The following ARID4B variants were observed in gnomAD, a reference collection of about 807,000 sequenced individuals.
The protein encoded by ARID4B is AT-rich interaction domain 4B, also known as AT-rich interactive domain-containing protein 4B.
ARID4B carries 26 observed loss-of-function variants against 147.5 expected under a neutral mutation model. The observed-to-expected ratio is 0.18, with a 90% confidence interval of 0.13 to 0.24. The LOEUF (loss-of-function observed/expected upper bound fraction) is 0.24. Among genes scored for constraint, ARID4B ranks in the 10% least tolerant of loss-of-function variants. ARID4B has a pLI of 1.00. For missense variants in ARID4B, 1,179 were observed against 1,511.5 expected (o/e 0.78, Z 3.65); for synonymous variants, 512 against 507.9 (o/e 1.01, Z -0.11).
chr1:235,182,578 T>C lies in ARID4B; in HGVS notation c.2341A>G (p.Arg781Gly). The C allele has an allele frequency of 1.2e-6, 2 of 1,612,420 alleles. No homozygotes were observed. Among genetic ancestry groups the C allele is most frequent in the Non-Finnish European group, 1.7e-6 (2 of 1,179,654 alleles). Reference protein sequence around the residue: ...ISKPVSKSPERLRKDIEVLSE... With the variant: ...ISKPVSKSPEGLRKDIEVLSE... ...AATACTTCTATATCTTTCCTTAATC[T>C]TTCTGGAGATTTTGACACTGGTTTG... The change falls in exon 20 of 24, where the codon AGA becomes GGA. Residue 781 changes from arginine (R) to glycine (G), a missense_variant. Around this residue, in one of 10 missense-constraint regions of ARID4B, gnomAD observed 321 missense variants for 342.4 expected, o/e 0.94. Transcript: ENST00000264183.
At chr1:235,258,352 C>CA (rs1401544189) in intron 3 of ARID4B, among the ~76,000 whole-genome samples, 2 of 151,934 alleles carry the variant, frequency 1.3e-5, no homozygotes, top group African/African-American at 4.8e-5. Flanking sequence ...CAAAACAAAA[C>CA]AAAAAACAGA....
At position 235,317,395 on chromosome 1, in the gene ARID4B, G is replaced by C. The variant is rs545413239; in HGVS notation, c.6+9519C>G. On this transcript the variant is annotated intron_variant, in intron 2 of 23. Transcript: ENST00000264183. ...CTTGGACTTTCTGAGTAATATATGA[G>C]CAAGCGTTAATTAAGGAAAGGGGAA... Among the ~76,000 whole-genome samples the C allele has an allele frequency of 5.3e-5, 8 of 152,262 alleles. No individual in the cohort carries two copies. The East Asian group carries it at 1.4e-3, about 26-fold the overall frequency.
At chr1:235,303,049 G>A (rs181325437) in intron 2 of ARID4B, among the ~76,000 whole-genome samples, 1 of 151,826 alleles carries the variant, frequency 6.6e-6, no homozygotes, top group Non-Finnish European at 1.5e-5. Context: ...TCAGCCTCTC[G>A]ACTAGCTGGG....
intron 2 of ARID4B, among the ~76,000 whole-genome samples, chr1:235,298,646 T>C (rs1672921062): frequency 6.6e-6 from 1 of 151,416 alleles, no homozygotes; most frequent in Admixed American, 6.6e-5. Context: ...AAAGTCACTG[T>C]GCCTATCCAC....
intron 1 of ARID4B, chr1:235,327,493 GACA>G: frequency 6.6e-6 from 1 of 152,256 alleles, no homozygotes; most frequent in Non-Finnish European, 1.5e-5. Context: ...CCGCCGCGGG[GACA>G]ACGTGAGGGC....
intron 11 of ARID4B, among the ~76,000 whole-genome samples, chr1:235,226,335 T>C (rs886824593): frequency 2.6e-5 from 4 of 152,070 alleles, no homozygotes; most frequent in Non-Finnish European, 4.4e-5. Context: ...CAAAAATATG[T>C]ATAAGGAGCA....
At chr1:235,293,598 GGTTAA>G (rs2103219260) in intron 2 of ARID4B, among the ~76,000 whole-genome samples, 1 of 151,920 alleles carries the variant, frequency 6.6e-6, no homozygotes, top group South Asian at 2.1e-4. Flanking sequence ...CTCAAACCTA[GGTTAA>G]GTCAAGTTTG....
intron 3 of ARID4B, among the ~76,000 whole-genome samples, chr1:235,259,531 T>C (rs1572097365): frequency 2.0e-5 from 3 of 152,224 alleles, no homozygotes; most frequent in Admixed American, 2.0e-4. Context: ...TCTCTTCCTC[T>C]ACAGGATAGT....
chr1:235,173,773 T>TAC (rs1663606784), intron 22 of ARID4B, among the ~76,000 whole-genome samples: 2 of 16,612 alleles, frequency 1.2e-4, no homozygotes, highest in Non-Finnish European at 2.0e-4. Flanking sequence ...AAAAAAAAAA[T>TAC]ATATATATAT....
intron 12 of ARID4B, among the ~76,000 whole-genome samples, chr1:235,223,513 T>C (rs1667635577): frequency 6.7e-6 from 1 of 150,034 alleles, no homozygotes; most frequent in Non-Finnish European, 1.5e-5. Flanking sequence ...TTTTAAATTT[T>C]AAAAACCATA....
At chr1:235,298,233 C>T (rs1329471588) in intron 2 of ARID4B, among the ~76,000 whole-genome samples, 1 of 152,014 alleles carries the variant, frequency 6.6e-6, no homozygotes, top group African/African-American at 2.4e-5. Context: ...TGATGCTAGG[C>T]CATGAATATG....
At chr1:235,175,510 C>T (rs916434246) in intron 21 of ARID4B, 111 bp from the exon 22 acceptor site, 1 of 849,304 alleles carries the variant, frequency 1.2e-6, no homozygotes, top group Non-Finnish European at 1.8e-6. Flanking sequence ...CAGAAAACAA[C>T]CTGCCTAGAA....
chr1:235,242,865 T>A (rs1001205882), intron 7 of ARID4B, among the ~76,000 whole-genome samples: 1 of 152,166 alleles, frequency 6.6e-6, no homozygotes, highest in Non-Finnish European at 1.5e-5. Context: ...CCTCACCTAC[T>A]CAAGACTTTG....
intron 10 of ARID4B, among the ~76,000 whole-genome samples, chr1:235,229,886 A>G (rs1279739135): frequency 2.6e-5 from 4 of 152,228 alleles, no homozygotes; most frequent in African/African-American, 9.6e-5. Context: ...GCTAGACACA[A>G]TTATTCTCAT....
chr1:235,326,908 T>C lies in ARID4B; in HGVS notation c.6+6A>G. On this transcript the variant is annotated splice_donor_region_variant and intron_variant, in intron 2 of 23. Transcript: ENST00000264183. Reference sequence around the variant, plus strand: ...CCAGAGATTCGTTTTCCGCAGGCAATCTTACCTTCATGATGACTCTGGGAC... The same window carrying C: ...CCAGAGATTCGTTTTCCGCAGGCAACCTTACCTTCATGATGACTCTGGGAC... 1.9e-6 allele frequency: 3 copies of C among 1,613,996 alleles called. No individual in the cohort carries two copies. The highest frequency in any genetic ancestry group is 2.5e-6 in the Non-Finnish European group (3 of 1,179,924).
At chr1:235,230,411 A>G (rs544796903) in intron 10 of ARID4B, among the ~76,000 whole-genome samples, 1 of 146,444 alleles carries the variant, frequency 6.8e-6, no homozygotes, top group East Asian at 2.0e-4. Flanking sequence ...TCCATCTCAA[A>G]AAAACAAAAC....
At chr1:235,255,219 C>CTAGATAGATAGA (rs1553304253) in intron 5 of ARID4B, among the ~76,000 whole-genome samples, 1 of 127,568 alleles carries the variant, frequency 7.8e-6, no homozygotes, top group Admixed American at 7.8e-5. Flanking sequence ...CTGCTGGGAG[C>CTAGATAGATAGA]TAGATAGATA....
chr1:235,307,480 A>G (rs909923273), intron 2 of ARID4B, among the ~76,000 whole-genome samples: 3 of 152,230 alleles, frequency 2.0e-5, no homozygotes, highest in Admixed American at 1.3e-4. Context: ...GAAAAGAAAA[A>G]AAGAAAATGT....
chr1:235,273,537 T>G (rs1195813138), intron 2 of ARID4B, among the ~76,000 whole-genome samples: 3 of 152,228 alleles, frequency 2.0e-5, no homozygotes, highest in African/African-American at 4.8e-5. Context: ...TACCATCAAT[T>G]GACTGCTAAA....
Sources: gnomAD v4.1 joint callset for allele counts (sites outside exome capture counted in the v4.1 genomes callset) on GRCh38, gnomAD v4.1.1 for gene constraint, gnomAD v4.1.1 regional missense constraint, MANE v1.5 for transcripts, NCBI Gene and HGNC (gene_info 2026-07-23, HGNC 2026-07-21) for gene names.